The following BCAR3 variants were observed in gnomAD, a reference collection of about 807,000 sequenced individuals.
BCAR3 encodes the protein BCAR3 adaptor protein, NSP family member.
BCAR3 carries 37 observed loss-of-function variants against 80.1 expected under a neutral mutation model. The ratio of observed to expected loss-of-function variants is 0.46; its 90% CI spans 0.36 to 0.61. BCAR3 has a LOEUF of 0.61. BCAR3 is among the 20% of genes least tolerant of loss of function. The pLI is 0.00. For missense variants in BCAR3, 978 were observed against 1,068.2 expected, an observed-to-expected ratio of 0.92 and a Z score of 1.18; for synonymous variants, 389 against 418.9, an observed-to-expected ratio of 0.93 and a Z score of 0.87.
At chr1:93,624,856 C>T (rs1463755668) in intron 3 of BCAR3, among the ~76,000 whole-genome samples, 1 of 152,232 alleles carries the variant, frequency 6.6e-6, no homozygotes, top group Non-Finnish European at 1.5e-5. Context: ...TGCTCCTCAC[C>T]GGGTAAGCCA....
chr1:93,583,264 A>G (rs1406671397), intron 6 of BCAR3, among the ~76,000 whole-genome samples: 1 of 152,178 alleles, frequency 6.6e-6, no homozygotes, highest in Admixed American at 6.5e-5. Context: ...ATGATAAAAT[A>G]TATGAGCGAG....
At chr1:93,839,279 C>T (rs1654875861) in intron 2 of BCAR3, among the ~76,000 whole-genome samples, 1 of 152,150 alleles carries the variant, frequency 6.6e-6, no homozygotes, top group Admixed American at 6.5e-5. Context: ...AAGAGTGAAA[C>T]TCAGTCTAAA....
chr1:93,581,432 C>CAA, intron 7 of BCAR3, among the ~76,000 whole-genome samples: 1 of 147,664 alleles, frequency 6.8e-6, no homozygotes, highest in Non-Finnish European at 1.5e-5. Context: ...TTTTTTGAGA[C>CAA]AGAGTTGTGC....
intron 2 of BCAR3, among the ~76,000 whole-genome samples, chr1:93,779,641 T>G (rs1045865436): frequency 1.3e-5 from 2 of 152,156 alleles, no homozygotes; most frequent in Non-Finnish European, 2.9e-5. Context: ...TGACAGAATG[T>G]CATTAGAAAC....
At chr1:93,665,919 C>A (rs190865592) in intron 2 of BCAR3, among the ~76,000 whole-genome samples, 2 of 152,310 alleles carry the variant, frequency 1.3e-5, no homozygotes, top group East Asian at 3.9e-4. Context: ...ACCTCTCCCC[C>A]ACCCCACCAT....
chr1:93,562,768 C>CAAAAA (rs35374992), intron 11 of BCAR3, among the ~76,000 whole-genome samples: 9 of 76,880 alleles, frequency 1.2e-4, no homozygotes, highest in Middle Eastern at 8.1e-3. Context: ...GACTCCATCT[C>CAAAAA]AAAAAAAAAA....
rs947713799 is a variant in BCAR3 at position 93,835,539 on chromosome 1, G to T, written c.-63+10028C>A. Among the ~76,000 whole-genome samples, 5 of 152,094 alleles carry T rather than the reference G, an allele frequency of 3.3e-5. No homozygotes were observed. In the East Asian group the frequency reaches 7.7e-4, roughly 23 times the overall value. Reference sequence around the variant, plus strand: ...AAAATATCTTCTTCCAGCCTCACAGGCCCATTCTATTCTGTCGTCATTTCA... The same window carrying T: ...AAAATATCTTCTTCCAGCCTCACAGTCCCATTCTATTCTGTCGTCATTTCA... On this transcript the variant is annotated intron_variant, in intron 2 of 13. Transcript: ENST00000370244.
intron 2 of BCAR3, among the ~76,000 whole-genome samples, chr1:93,728,201 G>A (rs1341703761): frequency 6.6e-6 from 1 of 152,228 alleles, no homozygotes; most frequent in Non-Finnish European, 1.5e-5. Flanking sequence ...CAGCCCTAGT[G>A]AAATGAGAAA....
At chr1:93,800,766 T>C (rs1173260704) in intron 2 of BCAR3, among the ~76,000 whole-genome samples, 1 of 152,168 alleles carries the variant, frequency 6.6e-6, no homozygotes, top group African/African-American at 2.4e-5. Flanking sequence ...ATGAGCACTA[T>C]AAAGTTCTAG....
At chr1:93,752,743 C>A (rs916421373) in intron 2 of BCAR3, among the ~76,000 whole-genome samples, 1 of 152,298 alleles carries the variant, frequency 6.6e-6, no homozygotes, top group South Asian at 2.1e-4. Context: ...TTGGCTTGAT[C>A]CACACATGGC....
intron 11 of BCAR3, among the ~76,000 whole-genome samples, chr1:93,565,586 A>G (rs1672909988): frequency 6.6e-6 from 1 of 152,080 alleles, no homozygotes; most frequent in Admixed American, 6.5e-5. Context: ...TTTTCTCAAA[A>G]CCCACCCTGA....
chr1:93,772,786 A>G (rs1157129283), intron 2 of BCAR3, among the ~76,000 whole-genome samples: 1 of 151,940 alleles, frequency 6.6e-6, no homozygotes, highest in East Asian at 1.9e-4. Context: ...TTGTATTTTT[A>G]ACAGAGATGG....
chr1:93,650,556 G>T (rs576297394), intron 2 of BCAR3, among the ~76,000 whole-genome samples: 6 of 152,278 alleles, frequency 3.9e-5, no homozygotes, highest in African/African-American at 1.4e-4. Context: ...TGCCTCAGTT[G>T]TGTCATCTAT....
chr1:93,768,070 A>G (rs1652217528), intron 2 of BCAR3, among the ~76,000 whole-genome samples: 1 of 152,174 alleles, frequency 6.6e-6, no homozygotes, highest in Non-Finnish European at 1.5e-5. Context: ...GCCGAGGTAC[A>G]CTTGGTGAAA....
intron 3 of BCAR3, among the ~76,000 whole-genome samples, chr1:93,602,817 C>A (rs1674665466): frequency 6.6e-6 from 1 of 152,214 alleles, no homozygotes; most frequent in Non-Finnish European, 1.5e-5. Flanking sequence ...CAGTTCTCCA[C>A]AAGTTTGAAG....
At chr1:93,768,389 G>C (rs1652232087) in intron 2 of BCAR3, among the ~76,000 whole-genome samples, 1 of 152,172 alleles carries the variant, frequency 6.6e-6, no homozygotes. Context: ...ATTGTGCCCT[G>C]ATGGGTTTGA....
intron 2 of BCAR3, among the ~76,000 whole-genome samples, chr1:93,841,179 C>T (rs1277087498): frequency 2.6e-5 from 4 of 152,196 alleles, no homozygotes; most frequent in African/African-American, 7.2e-5. Context: ...GCATTTGAAG[C>T]GCTTCCGGAT....
chr1:93,773,618 A>G (rs143215992), intron 2 of BCAR3, among the ~76,000 whole-genome samples: 89 of 152,214 alleles, frequency 5.8e-4, no homozygotes, highest in African/African-American at 2.1e-3. Flanking sequence ...CAGTTGCACA[A>G]TCAGCTAGTG....
At chr1:93,766,571 G>A (rs1022829420) in intron 2 of BCAR3, among the ~76,000 whole-genome samples, 4 of 152,228 alleles carry the variant, frequency 2.6e-5, no homozygotes, top group South Asian at 2.1e-4. Flanking sequence ...GTCCAGAGCC[G>A]CTGCTGGCCA....
Sources: allele counts gnomAD v4.1 joint callset (sites outside exome capture counted in the v4.1 genomes callset), GRCh38; gene constraint gnomAD v4.1.1; transcripts MANE v1.5; gene names NCBI Gene and HGNC (gene_info 2026-07-23, HGNC 2026-07-21).